SBNO1: variants seen among roughly 807,000 people sequenced by gnomAD.
The protein encoded by SBNO1 is protein strawberry notch homolog 1.
SBNO1 carries 23 observed loss-of-function variants against 173.6 expected under a neutral mutation model. The observed-to-expected ratio is 0.13, with a 90% CI of 0.10 to 0.19. The LOEUF is 0.19. Ranked by LOEUF, SBNO1 falls within the 10% of genes least tolerant of loss-of-function variation. SBNO1 has a pLI of 1.00. For synonymous variants in SBNO1, 632 were observed against 571.5 expected (o/e 1.11, Z -1.51); for missense variants, 1,238 against 1,671.2 (o/e 0.74, Z 4.52).
At chr12:123,320,097 T>C (rs1869773510) in intron 19 of SBNO1, 66 bp from the exon 20 acceptor site, 3 of 1,567,808 alleles carry the variant, frequency 1.9e-6, no homozygotes, top group South Asian at 2.3e-5. Flanking sequence ...TCAGTGCCTC[T>C]TTCCTTGAAG....
intron 5 of SBNO1, 102 bp from the exon 6 acceptor site, chr12:123,336,593 A>G: frequency 2.9e-6 from 2 of 700,638 alleles, no homozygotes; most frequent in South Asian, 1.8e-5. Context: ...AATTTCCATC[A>G]TGGAAACATG....
At chr12:123,343,446 T>C (rs1872772388) in intron 4 of SBNO1, among the ~76,000 whole-genome samples, 1 of 151,964 alleles carries the variant, frequency 6.6e-6, no homozygotes, top group Non-Finnish European at 1.5e-5. Flanking sequence ...CTTTCTGCAG[T>C]TTCATATTTT....
chr12:123,303,376 T>C (rs2048840663), intron 29 of SBNO1, among the ~76,000 whole-genome samples: 1 of 152,204 alleles, frequency 6.6e-6, no homozygotes, highest in African/African-American at 2.4e-5. Flanking sequence ...CTGGGCACGG[T>C]GGCTCATGCC....
chr12:123,300,938 G>T (rs572496673), intron 30 of SBNO1, among the ~76,000 whole-genome samples: 2 of 144,598 alleles, frequency 1.4e-5, no homozygotes, highest in Admixed American at 1.4e-4. Context: ...CAGCCTGGGT[G>T]ACAGAGCAAG....
chr12:123,336,019 T>C (rs1871797187), intron 6 of SBNO1, among the ~76,000 whole-genome samples: 3 of 152,122 alleles, frequency 2.0e-5, no homozygotes, highest in African/African-American at 7.2e-5. Context: ...GAAAATTTTA[T>C]GCAAATATTA....
At chr12:123,326,726 G>T (rs1049595078) in intron 13 of SBNO1, among the ~76,000 whole-genome samples, 2 of 152,172 alleles carry the variant, frequency 1.3e-5, no homozygotes, top group African/African-American at 4.8e-5. Context: ...AGGAGTTCCA[G>T]ATCAGGCTGG....
intron 28 of SBNO1, among the ~76,000 whole-genome samples, chr12:123,305,142 G>C (rs1478509169): frequency 6.6e-6 from 1 of 152,178 alleles, no homozygotes. Flanking sequence ...AATTCTTTAA[G>C]CTCTGCTGTA....
intron 15 of SBNO1, among the ~76,000 whole-genome samples, chr12:123,325,047 G>A (rs1181944356): frequency 6.6e-6 from 1 of 152,130 alleles, no homozygotes. Context: ...CTGACCTCAA[G>A]TGATGTGCCC....
At chr12:123,340,750 C>T (rs1167542345) in intron 5 of SBNO1, among the ~76,000 whole-genome samples, 8 of 152,060 alleles carry the variant, frequency 5.3e-5, no homozygotes, top group Non-Finnish European at 8.8e-5. Context: ...AGATTTTTAA[C>T]AGTAAGATAT....
intron 10 of SBNO1, 148 bp from the exon 11 acceptor site, chr12:123,328,175 C>A: frequency 1.9e-6 from 1 of 540,526 alleles, no homozygotes; most frequent in Admixed American, 3.4e-5. Context: ...GGGCCTTTCC[C>A]CAGTTACATC....
chr12:123,339,429 A>C (rs1872268979), intron 5 of SBNO1, among the ~76,000 whole-genome samples: 1 of 151,698 alleles, frequency 6.6e-6, no homozygotes, highest in Admixed American at 6.6e-5. Context: ...CTGCACCCCA[A>C]CTTCTCCTGA....
intron 7 of SBNO1, among the ~76,000 whole-genome samples, chr12:123,332,281 TTTTG>T (rs925765813): frequency 8.6e-4 from 131 of 152,164 alleles, no homozygotes; most frequent in East Asian, 2.7e-3. Flanking sequence ...TCAAACAGGT[TTTTG>T]TTTGTTTTTG....
chr12:123,289,908 AC>A lies in SBNO1; in HGVS notation c.*5999del, dbSNP rs1018263317. The A allele has an allele frequency of 6.6e-6, 1 of 152,304 alleles. No homozygotes were observed. Among genetic ancestry groups the A allele is most frequent in the Non-Finnish European group, 1.5e-5 (1 of 68,064 alleles). The allele number at this position is 152,304 out of a possible 1,614,324, so 9.4% of individuals were successfully genotyped here. Reference sequence around the variant, plus strand: ...GGCCTTCAGTGTCTGCTGGCCAGAAACATCTGCCCAGGCACAAATGGGCCAC... The same window carrying A: ...GGCCTTCAGTGTCTGCTGGCCAGAAAATCTGCCCAGGCACAAATGGGCCAC... On this transcript the variant is annotated 3_prime_UTR_variant, in exon 32 of 32. Transcript: ENST00000602398.
intron 13 of SBNO1, among the ~76,000 whole-genome samples, chr12:123,326,620 T>C (rs1483370612): frequency 6.6e-6 from 1 of 152,082 alleles, no homozygotes; most frequent in Admixed American, 6.6e-5. Flanking sequence ...ACATGGACAA[T>C]CTGAAATATA....
intron 15 of SBNO1, 64 bp downstream of exon 15, chr12:123,325,438 A>G: frequency 1.7e-6 from 2 of 1,163,904 alleles, no homozygotes; most frequent in Non-Finnish European, 2.6e-6. Context: ...AAATGCCCAC[A>G]TTGGAACTAA....
Position 123,298,095 on chromosome 12 carries a change from A to G in SBNO1, c.3922T>C (p.Cys1308Arg), listed in dbSNP as rs971999854. ...GLRCRTYYVL[C>R]GSVLSVWTKV... is the part of the protein sequence containing the mutation. ...GTCCAGACACTCAGCACTGAACCAC[A>G]TAATACATAATATGTACGGCAACGA... is the stretch of plus-strand genomic sequence containing the variant. The change falls in exon 31 of 32, where the codon TGT (cysteine) becomes CGT (arginine). Residue 1308 changes from cysteine to arginine, a missense_variant. By Grantham distance (180) the Cys-to-Arg change is radical. Around this residue, in one of 14 missense-constraint regions of SBNO1, gnomAD observed 351 missense variants for 420.3 expected, o/e 0.84. Coordinates refer to ENST00000602398, the MANE Select transcript of SBNO1 (RefSeq NM_001167856.3). The G allele has an allele frequency of 6.2e-7, 1 of 1,611,684 alleles. No homozygotes were observed. The highest frequency in any genetic ancestry group is 1.1e-5 in the South Asian group (1 of 90,222).
At chr12:123,326,367 C>T (rs1870608785) in intron 13 of SBNO1, 33 bp from the exon 14 acceptor site, 2 of 1,423,896 alleles carry the variant, frequency 1.4e-6, no homozygotes, top group East Asian at 4.8e-5. Context: ...TCAGACACTT[C>T]ATCTTTGAGT....
intron 8 of SBNO1, 84 bp from the exon 9 acceptor site, chr12:123,330,593 G>C (rs1441592306): frequency 1.8e-6 from 1 of 571,270 alleles, no homozygotes; most frequent in Non-Finnish European, 2.7e-6. Context: ...GCCAGGTCTT[G>C]ACACTTAAAA....
At position 123,327,926 on chromosome 12, in the gene SBNO1, C is replaced by T. The variant is rs1190816106; in HGVS notation, c.1398G>A (p.Leu466=). 1 of 1,612,668 alleles carries T rather than the reference C, an allele frequency of 6.2e-7. No individual in the cohort carries two copies. The highest frequency in any genetic ancestry group is 8.5e-7 in the Non-Finnish European group (1 of 1,179,172). ...TAGCATAAACAACTCTGGCTTTTGGCAATTTGTTCTGAAGCTCTAAAACTG... is the reference window on the plus strand; with the variant it reads ...TAGCATAAACAACTCTGGCTTTTGGTAATTTGTTCTGAAGCTCTAAAACTG... ...GLAVLELQNK[L]PKARVVYASA... Residue 466 remains leucine (L), a synonymous_variant, in exon 11 of 32, where the codon TTG becomes TTA. Transcript: ENST00000602398.
Sources: gnomAD v4.1 joint callset for allele counts (sites outside exome capture counted in the v4.1 genomes callset) on GRCh38, gnomAD v4.1.1 for gene constraint, gnomAD v4.1.1 regional missense constraint, MANE v1.5 for transcripts, NCBI Gene and HGNC (gene_info 2026-07-23, HGNC 2026-07-21) for gene names.